ZNF423: variants seen among roughly 807,000 people sequenced by gnomAD.
The protein encoded by ZNF423 is zinc finger protein 423, also known as Ebf-associated zinc finger protein.
ZNF423 carries 12 observed loss-of-function variants against 95.8 expected under a neutral mutation model. The ratio of observed to expected loss-of-function variants is 0.13; its 90% CI spans 0.08 to 0.20. ZNF423 has a LOEUF of 0.20. Among genes scored for constraint, ZNF423 ranks in the 10% least tolerant of loss-of-function variants. ZNF423 has a pLI of 1.00. For synonymous variants in ZNF423, 749 were observed against 711.9 expected (o/e 1.05, Z -0.83); for missense variants, 1,316 against 1,737.1 (o/e 0.76, Z 4.31).
intron 3 of ZNF423, among the ~76,000 whole-genome samples, chr16:49,702,729 A>C (rs1440108066): frequency 6.6e-6 from 1 of 152,248 alleles, no homozygotes; most frequent in Non-Finnish European, 1.5e-5. Flanking sequence ...GATGGGGGCC[A>C]GAGATGGATG....
At chr16:49,614,454 C>A (rs1259698631) in intron 5 of ZNF423, among the ~76,000 whole-genome samples, 2 of 152,108 alleles carry the variant, frequency 1.3e-5, no homozygotes, top group Admixed American at 1.3e-4. Flanking sequence ...GGGAATTTAC[C>A]CCCAAAATAA....
chr16:49,495,843 A>G (rs930800680), intron 7 of ZNF423, among the ~76,000 whole-genome samples: 2 of 152,194 alleles, frequency 1.3e-5, no homozygotes, highest in African/African-American at 4.8e-5. Context: ...TGTGAAGCCC[A>G]GGATTGCTTC....
At chr16:49,512,625 C>T (rs1967945321) in intron 7 of ZNF423, among the ~76,000 whole-genome samples, 1 of 152,222 alleles carries the variant, frequency 6.6e-6, no homozygotes, top group Admixed American at 6.5e-5. Context: ...AGGCAGGAAG[C>T]ATAAAGTGAT....
intron 3 of ZNF423, among the ~76,000 whole-genome samples, chr16:49,667,494 C>T (rs1348647742): frequency 6.6e-6 from 1 of 152,204 alleles, no homozygotes. Flanking sequence ...AACTTCTGGC[C>T]CAGAGTCAGA....
At chr16:49,554,762 A>G (rs6500233) in intron 5 of ZNF423, among the ~76,000 whole-genome samples, 3,919 of 152,082 alleles carry the variant, frequency 0.026, 182 homozygotes, top group African/African-American at 0.09. Flanking sequence ...AAAAACAGAT[A>G]AAGATCGCCC....
Position 49,577,159 on chromosome 16 carries a change from C to T in ZNF423, c.3601+49011G>A, listed in dbSNP as rs1026176136. 2.6e-5 allele frequency among the ~76,000 whole-genome samples: 4 copies of T among 152,162 alleles called. No homozygotes were observed. In the South Asian group the frequency reaches 8.3e-4, roughly 32 times the overall value. ...CAGCTGGCGTGGGGGGGTGGGGTCC[C>T]TGCAGGAGCGGTGCTGTGAGCCAAG... On this transcript the variant is annotated intron_variant, in intron 5 of 7. Transcript: ENST00000563137.
intron 3 of ZNF423, among the ~76,000 whole-genome samples, chr16:49,647,555 A>T (rs977795554): frequency 3.3e-5 from 5 of 152,170 alleles, no homozygotes; most frequent in Non-Finnish European, 7.4e-5. Flanking sequence ...TGCAGGAGGG[A>T]GGCAGAAGAG....
intron 5 of ZNF423, among the ~76,000 whole-genome samples, chr16:49,569,209 C>A (rs1017737801): frequency 2.6e-5 from 4 of 152,234 alleles, no homozygotes; most frequent in Non-Finnish European, 5.9e-5. Flanking sequence ...AGTTTCCCCC[C>A]TTCCAGGGAG....
At chr16:49,826,362 A>G (rs1394078630) in intron 1 of ZNF423, among the ~76,000 whole-genome samples, 3 of 152,234 alleles carry the variant, frequency 2.0e-5, no homozygotes. Context: ...AAAGCTCTCA[A>G]CATGGCCAGG....
chr16:49,587,330 G>A (rs1970874639), intron 5 of ZNF423, among the ~76,000 whole-genome samples: 1 of 152,214 alleles, frequency 6.6e-6, no homozygotes, highest in African/African-American at 2.4e-5. Flanking sequence ...TTTGGCGAAT[G>A]TTCGAGGCAT....
chr16:49,657,614 T>C (rs1349682781), intron 3 of ZNF423, among the ~76,000 whole-genome samples: 1 of 152,196 alleles, frequency 6.6e-6, no homozygotes, highest in Non-Finnish European at 1.5e-5. Context: ...CTGAAGACCA[T>C]TCCTGGGGCA....
intron 5 of ZNF423, among the ~76,000 whole-genome samples, chr16:49,569,129 C>T (rs562666146): frequency 6.6e-6 from 1 of 152,324 alleles, no homozygotes; most frequent in Non-Finnish European, 1.5e-5. Context: ...CTCTCCTTTC[C>T]ACCTCTGCTA....
At chr16:49,630,164 C>G (rs1402494460) in intron 4 of ZNF423, among the ~76,000 whole-genome samples, 1 of 152,136 alleles carries the variant, frequency 6.6e-6, no homozygotes, top group Admixed American at 6.5e-5. Context: ...AAAGACAGGG[C>G]TGGGGAGTCC....
chr16:49,749,449 C>G (rs2033591008), intron 2 of ZNF423, among the ~76,000 whole-genome samples: 1 of 152,170 alleles, frequency 6.6e-6, no homozygotes, highest in South Asian at 2.1e-4. Flanking sequence ...AAGATAACTG[C>G]GACTGATGTC....
chr16:49,553,838 A>T (rs1969729688), intron 5 of ZNF423, among the ~76,000 whole-genome samples: 1 of 152,162 alleles, frequency 6.6e-6, no homozygotes, highest in Non-Finnish European at 1.5e-5. Flanking sequence ...CTCTCATAAC[A>T]TTTTCATTAG....
In ZNF423 at chr16:49,636,788, C is replaced by T. The variant is rs772919262; in HGVS notation, c.2388G>A (p.Glu796=). 33 of 1,613,988 alleles carry T rather than the reference C, an allele frequency of 2.0e-5. No homozygotes were observed. Among genetic ancestry groups the T allele is most frequent in the Non-Finnish European group, 2.6e-5 (31 of 1,180,026 alleles). ...GCAGCTCCACCTCGGTGCTGAAGGT[C>T]TCCCCACAGAAGATGCACTTGTGAG... ...AKAHKCIFCG[E]TFSTEVELQC... Residue 796 remains glutamate (E), a synonymous_variant, in exon 4 of 8, where the codon GAG becomes GAA. Coordinates refer to ENST00000563137, the MANE Select transcript of ZNF423 (RefSeq NM_001379286.1). The surrounding 1 kb of genome is among the most constrained non-coding windows in gnomAD (Gnocchi z 8.6).
At chr16:49,634,239 C>T (rs1361994892) in intron 4 of ZNF423, among the ~76,000 whole-genome samples, 1 of 147,254 alleles carries the variant, frequency 6.8e-6, no homozygotes, top group Non-Finnish European at 1.5e-5. Context: ...AACAGGGTCC[C>T]ACTCTGCCAC....
In ZNF423 at chr16:49,614,902, G is replaced by A. The variant is rs573119748; in HGVS notation, c.3601+11268C>T. Reference sequence around the variant, plus strand: ...TCCCAGCACTTTGGGAGGCTCTGGCGGGTGTATCACCTGAGGTCAGGAGTT... The same window carrying A: ...TCCCAGCACTTTGGGAGGCTCTGGCAGGTGTATCACCTGAGGTCAGGAGTT... On this transcript the variant is annotated intron_variant, in intron 5 of 7. Coordinates refer to ENST00000563137, the MANE Select transcript of ZNF423 (RefSeq NM_001379286.1). Among the ~76,000 whole-genome samples the A allele has an allele frequency of 5.9e-5, 9 of 152,238 alleles. No homozygotes were observed. In the South Asian group the frequency reaches 1.2e-3, roughly 21 times the overall value.
intron 1 of ZNF423, among the ~76,000 whole-genome samples, chr16:49,792,478 G>A (rs2034432273): frequency 6.6e-6 from 1 of 152,226 alleles, no homozygotes; most frequent in South Asian, 2.1e-4. Context: ...TGGCTGGGGA[G>A]GTCCAGAGTG....
Sources: allele counts gnomAD v4.1 joint callset (sites outside exome capture counted in the v4.1 genomes callset), GRCh38; gene constraint gnomAD v4.1.1; non-coding constraint Gnocchi (gnomAD v3.1); transcripts MANE v1.5; gene names NCBI Gene and HGNC (gene_info 2026-07-23, HGNC 2026-07-21).